The following AFF2 variants were observed in gnomAD, a reference collection of about 807,000 sequenced individuals.
AFF2 encodes AF4/FMR2 family member 2.
Under a neutral mutation model 76.9 loss-of-function variants are expected in AFF2, and 14 were observed. The observed-to-expected ratio is 0.18, with a 90% CI of 0.12 to 0.28. The LOEUF is 0.28. Ranked by LOEUF, AFF2 falls within the 10% of genes least tolerant of loss-of-function variation. AFF2 has a pLI of 1.00. For missense variants in AFF2, 868 were observed against 1,001.1 expected, an observed-to-expected ratio of 0.87 and a Z score of 1.79; for synonymous variants, 398 against 366.7, an observed-to-expected ratio of 1.09 and a Z score of -0.98.
At chrX:148,636,871 A>G (rs2054037195) in intron 1 of AFF2, among the ~76,000 whole-genome samples, 1 of 111,835 alleles carries the variant, frequency 8.9e-6, no homozygotes, top group African/African-American at 3.2e-5. Flanking sequence ...AGACACAGTT[A>G]TTGGTAGATT....
Position 148,995,486 on chromosome X carries a change from G to GGGGT in AFF2, c.*4157_*4158insTGGG, listed in dbSNP as rs1196525136. On this transcript the variant is annotated 3_prime_UTR_variant, in exon 21 of 21. Coordinates refer to ENST00000370460, the MANE Select transcript of AFF2 (RefSeq NM_002025.4). ...GGAGGGCAGAAAGGGGGTGGGGGTGGGGGCGGGGGGGTGGGGGGTGGGGAA... is the reference window on the plus strand; with the variant it reads ...GGAGGGCAGAAAGGGGGTGGGGGTGGGGGTGGGCGGGGGGGTGGGGGGTGGGGAA... 26 of 94,356 alleles carry GGGGT rather than the reference G, an allele frequency of 2.8e-4. No individual in the cohort carries two copies. The highest frequency in any genetic ancestry group is 8.5e-4 in the African/African-American group (21 of 24,752). 7.8% of individuals were successfully genotyped at this position (94,356 alleles called of 1,213,427 possible).
At chrX:148,846,078 C>T (rs1295613723) in intron 7 of AFF2, among the ~76,000 whole-genome samples, 1 of 112,112 alleles carries the variant, frequency 8.9e-6, no homozygotes, top group African/African-American at 3.2e-5. Flanking sequence ...GCCAGTCTCC[C>T]TCTTTCTTTT....
intron 4 of AFF2, among the ~76,000 whole-genome samples, chrX:148,833,392 G>A (rs903608604): frequency 4.5e-5 from 5 of 110,814 alleles, no homozygotes; most frequent in Non-Finnish European, 9.4e-5. Context: ...CACAAGGTCA[G>A]GAGTTTGAGA....
intron 3 of AFF2, among the ~76,000 whole-genome samples, chrX:148,712,049 T>G (rs1372627499): frequency 6.3e-5 from 7 of 111,361 alleles, no homozygotes; most frequent in African/African-American, 2.3e-4. Flanking sequence ...AAGGAGCATC[T>G]CTCTGGTGTG....
At chrX:148,626,950 C>A (rs1221624339) in intron 1 of AFF2, among the ~76,000 whole-genome samples, 3 of 111,709 alleles carry the variant, frequency 2.7e-5, no homozygotes, top group Non-Finnish European at 5.6e-5. Context: ...TGGTTCATGC[C>A]TGTAATCTCA....
At chrX:148,853,478 A>T (rs2070754231) in intron 7 of AFF2, among the ~76,000 whole-genome samples, 1 of 111,086 alleles carries the variant, frequency 9.0e-6, no homozygotes, top group Non-Finnish European at 1.9e-5. Flanking sequence ...TATTACTCAG[A>T]CTCTGTAGCG....
At chrX:148,964,655 A>T (rs1268744229) in intron 13 of AFF2, among the ~76,000 whole-genome samples, 1 of 111,573 alleles carries the variant, frequency 9.0e-6, no homozygotes, top group African/African-American at 3.3e-5. Context: ...AAATGGGGAG[A>T]CACTGTTTAA....
At chrX:148,818,727 C>G (rs782765095) in intron 4 of AFF2, among the ~76,000 whole-genome samples, 1 of 110,743 alleles carries the variant, frequency 9.0e-6, no homozygotes, top group South Asian at 3.8e-4. Flanking sequence ...AGAGAAGTCT[C>G]TCACTCTAAG....
intron 1 of AFF2, among the ~76,000 whole-genome samples, chrX:148,614,777 T>TCTTC (rs2053778644): frequency 1.2e-5 from 1 of 81,826 alleles, no homozygotes; most frequent in Admixed American, 1.3e-4. Context: ...TTTCTTTCTT[T>TCTTC]CTTTCTTTCT....
intron 1 of AFF2, among the ~76,000 whole-genome samples, chrX:148,624,967 T>A (rs1324460427): frequency 4.5e-5 from 5 of 111,620 alleles, no homozygotes; most frequent in Non-Finnish European, 5.7e-5. Context: ...ACATTTTGAG[T>A]CTCTAGTTAT....
chrX:148,938,784 A>G (rs2071801716), intron 9 of AFF2, among the ~76,000 whole-genome samples: 1 of 112,420 alleles, frequency 8.9e-6, no homozygotes, highest in African/African-American at 3.2e-5. Context: ...GGAGTTACAT[A>G]AGAACTATTT....
chrX:148,905,624 T>G (rs1692680421), intron 9 of AFF2, among the ~76,000 whole-genome samples: 1 of 112,420 alleles, frequency 8.9e-6, no homozygotes, highest in African/African-American at 3.2e-5. Flanking sequence ...CATGCAGATG[T>G]GTGCCCCAGG....
chrX:148,613,715 A>ATC (rs1305365362), intron 1 of AFF2, among the ~76,000 whole-genome samples: 1 of 110,451 alleles, frequency 9.1e-6, no homozygotes, highest in Admixed American at 9.6e-5. Flanking sequence ...TCTGAGCCAT[A>ATC]TCTCTCTCTC....
intron 3 of AFF2, among the ~76,000 whole-genome samples, chrX:148,721,100 AT>A (rs2055086537): frequency 8.9e-6 from 1 of 112,211 alleles, no homozygotes; most frequent in Non-Finnish European, 1.9e-5. Flanking sequence ...CTTAAAGTCT[AT>A]GTGTAAAGAA....
chrX:148,659,294 C>G (rs1557257470), intron 2 of AFF2, among the ~76,000 whole-genome samples: 1 of 112,277 alleles, frequency 8.9e-6, no homozygotes. Flanking sequence ...CTACTGAGGA[C>G]AAGATGAACC....
At chrX:148,900,684 T>C (rs1272076762) in intron 8 of AFF2, among the ~76,000 whole-genome samples, 1 of 110,774 alleles carries the variant, frequency 9.0e-6, no homozygotes, top group African/African-American at 3.3e-5. Context: ...AGAGATCAAC[T>C]GGAAAATATG....
At chrX:148,846,211 G>A (rs2070665395) in intron 7 of AFF2, among the ~76,000 whole-genome samples, 1 of 111,706 alleles carries the variant, frequency 9.0e-6, no homozygotes, top group Non-Finnish European at 1.9e-5. Flanking sequence ...GTCCATTCAT[G>A]CCATGACATC....
At chrX:148,782,366 CT>C (rs1371636369) in intron 3 of AFF2, among the ~76,000 whole-genome samples, 3 of 111,672 alleles carry the variant, frequency 2.7e-5, no homozygotes, top group African/African-American at 9.8e-5. Context: ...CAAACTACCC[CT>C]ATCTCTGCTC....
intron 1 of AFF2, among the ~76,000 whole-genome samples, chrX:148,535,996 C>T (rs1347156293): frequency 1.8e-5 from 2 of 111,197 alleles, no homozygotes; most frequent in South Asian, 3.8e-4. Context: ...CCAAGGCAGG[C>T]GGATCACCAG....
Sources: allele counts gnomAD v4.1 joint callset (sites outside exome capture counted in the v4.1 genomes callset), GRCh38; gene constraint gnomAD v4.1.1; transcripts MANE v1.5; gene names NCBI Gene and HGNC (gene_info 2026-07-23, HGNC 2026-07-21).